The following ITPR2 variants were observed in gnomAD, a reference collection of about 807,000 sequenced individuals.
The protein encoded by ITPR2 is inositol 1,4,5-trisphosphate-gated calcium channel ITPR2.
Under a neutral mutation model 317.1 loss-of-function variants are expected in ITPR2, and 207 were observed. That is an observed-to-expected ratio of 0.65 (90% confidence interval 0.58 to 0.73). The LOEUF (loss-of-function observed/expected upper bound fraction) is 0.73, where lower values mean the gene tolerates loss of function less well. Ranked by LOEUF, ITPR2 falls within the 30% of genes least tolerant of loss-of-function variation. The pLI is 0.00. For missense variants in ITPR2, 2,613 were observed against 3,284.0 expected (o/e 0.80, Z 4.99); for synonymous variants, 1,156 against 1,149.1 (o/e 1.01, Z -0.12).
intron 26 of ITPR2, among the ~76,000 whole-genome samples, chr12:26,620,787 A>G (rs1003664837): frequency 4.6e-5 from 7 of 152,086 alleles, no homozygotes; most frequent in Admixed American, 1.3e-4. Context: ...GTCCACAAAA[A>G]TTCACCTCTC....
At chr12:26,756,585 G>A (rs1405024149) in intron 2 of ITPR2, among the ~76,000 whole-genome samples, 1 of 152,178 alleles carries the variant, frequency 6.6e-6, no homozygotes, top group Admixed American at 6.5e-5. Context: ...TCCAGATATT[G>A]CCTCTTGTCG....
intron 46 of ITPR2, 115 bp downstream of exon 46, chr12:26,443,428 T>G: frequency 1.4e-6 from 1 of 714,704 alleles, no homozygotes; most frequent in Non-Finnish European, 2.3e-6. Context: ...ATTTTTCAGT[T>G]TAAACCACTC....
intron 55 of ITPR2, among the ~76,000 whole-genome samples, chr12:26,375,974 C>T (rs2136607615): frequency 6.6e-6 from 1 of 152,238 alleles, no homozygotes; most frequent in South Asian, 2.1e-4. Flanking sequence ...TGGCGTGTGC[C>T]TGTAGTCCCA....
intron 2 of ITPR2, among the ~76,000 whole-genome samples, chr12:26,781,750 T>C (rs934564200): frequency 6.6e-6 from 1 of 151,918 alleles, no homozygotes; most frequent in Non-Finnish European, 1.5e-5. Context: ...TCTGAGTCAG[T>C]GGGCTGGGAA....
chr12:26,518,300 T>C (rs184472680), intron 37 of ITPR2, among the ~76,000 whole-genome samples: 117 of 152,264 alleles, frequency 7.7e-4, no homozygotes, highest in Non-Finnish European at 1.5e-3. Context: ...TTCTCACTTA[T>C]AAGGAGGAGC....
At chr12:26,644,894 C>T (rs1370219318) in intron 21 of ITPR2, among the ~76,000 whole-genome samples, 1 of 152,100 alleles carries the variant, frequency 6.6e-6, no homozygotes, top group Non-Finnish European at 1.5e-5. Context: ...TTACAGTAGC[C>T]CAGGCCGACT....
chr12:26,397,198 C>T (rs778391695), intron 54 of ITPR2, among the ~76,000 whole-genome samples: 5 of 152,152 alleles, frequency 3.3e-5, no homozygotes, highest in Non-Finnish European at 7.3e-5. Flanking sequence ...ATATAAAAGG[C>T]CATGCGTGGT....
intron 37 of ITPR2, among the ~76,000 whole-genome samples, chr12:26,541,921 G>C (rs1944274052): frequency 6.6e-6 from 1 of 151,268 alleles, no homozygotes; most frequent in South Asian, 2.1e-4. Context: ...AAATAATTCA[G>C]GCATCATTTC....
intron 26 of ITPR2, among the ~76,000 whole-genome samples, chr12:26,609,662 G>A (rs1946219644): frequency 6.6e-6 from 1 of 152,070 alleles, no homozygotes; most frequent in African/African-American, 2.4e-5. Flanking sequence ...TTTATAGCAT[G>A]AAGGGAAATA....
chr12:26,523,274 C>T (rs147097180), intron 37 of ITPR2, among the ~76,000 whole-genome samples: 434 of 152,250 alleles, frequency 2.9e-3, no homozygotes, highest in Non-Finnish European at 5.0e-3. Flanking sequence ...TAATTTCTGA[C>T]GGTTCCTTAA....
rs745407318 is a variant in ITPR2, at chr12:26,439,118, T to C, written c.6643+9A>G. On this transcript the variant is annotated intron_variant, in intron 47 of 56. Transcript: ENST00000381340. ...CACAAAACTAACCATTTCAGTTTAC[T>C]GTACTTACTCCTGATTTTCTTCTGC... 4.4e-6 allele frequency: 7 copies of C among 1,578,438 alleles called. No homozygotes were observed. Among genetic ancestry groups the C allele is most frequent in the Admixed American group, 3.4e-5 (2 of 58,098 alleles).
intron 26 of ITPR2, among the ~76,000 whole-genome samples, chr12:26,604,696 T>C (rs1946082088): frequency 6.6e-6 from 1 of 152,170 alleles, no homozygotes; most frequent in African/African-American, 2.4e-5. Context: ...ATAATGAATA[T>C]TTGGACAGAA....
chr12:26,576,064 T>G (rs901868648), intron 34 of ITPR2, among the ~76,000 whole-genome samples: 18 of 152,212 alleles, frequency 1.2e-4, no homozygotes, highest in Non-Finnish European at 2.6e-4. Flanking sequence ...AGAAAAATAC[T>G]TAGCAGCTAA....
At chr12:26,575,104 A>G (rs1226984851) in intron 34 of ITPR2, among the ~76,000 whole-genome samples, 2 of 149,996 alleles carry the variant, frequency 1.3e-5, no homozygotes, top group South Asian at 2.1e-4. Context: ...ATTTGAGCAG[A>G]AAAAAAGTCG....
At chr12:26,620,976 T>C (rs377012287) in intron 26 of ITPR2, 147 bp downstream of exon 26, 88 of 660,850 alleles carry the variant, frequency 1.3e-4, no homozygotes, top group African/African-American at 1.2e-3. Flanking sequence ...ACGGAGTTAA[T>C]TGACAACTTA....
At chr12:26,779,964 G>A (rs1950048283) in intron 2 of ITPR2, among the ~76,000 whole-genome samples, 1 of 152,186 alleles carries the variant, frequency 6.6e-6, no homozygotes, top group Non-Finnish European at 1.5e-5. Context: ...TATCCCATGT[G>A]AGTGCTCACC....
chr12:26,483,566 T>C (rs904879279), intron 42 of ITPR2, 132 bp downstream of exon 42: 22 of 659,454 alleles, frequency 3.3e-5, no homozygotes, highest in Non-Finnish European at 5.1e-5. Flanking sequence ...TATAATTCAG[T>C]CTTTGTATGT....
chr12:26,806,766 G>A (rs550658391), intron 1 of ITPR2, among the ~76,000 whole-genome samples: 2 of 152,102 alleles, frequency 1.3e-5, no homozygotes, highest in Non-Finnish European at 2.9e-5. Flanking sequence ...TCTCAAGCAC[G>A]TTTGCTCAAG....
chr12:26,366,375 A>G (rs1433883410), intron 55 of ITPR2, among the ~76,000 whole-genome samples: 3 of 152,186 alleles, frequency 2.0e-5, no homozygotes, highest in Non-Finnish European at 4.4e-5. Context: ...GTGTATAGTT[A>G]TCTGTTTTCC....
Sources: allele counts gnomAD v4.1 joint callset (sites outside exome capture counted in the v4.1 genomes callset), GRCh38; gene constraint gnomAD v4.1.1; transcripts MANE v1.5; gene names NCBI Gene and HGNC (gene_info 2026-07-23, HGNC 2026-07-21).